Variants in PIEZO2 observed in about 807,000 individuals in gnomAD.
PIEZO2 encodes the protein piezo type mechanosensitive ion channel component 2.
A neutral mutation model predicts 337.3 loss-of-function variants in PIEZO2; 172 were observed. The ratio of observed to expected loss-of-function variants is 0.51; its 90% CI spans 0.45 to 0.58. The LOEUF (loss-of-function observed/expected upper bound fraction) is 0.58. PIEZO2 is among the 20% of genes least tolerant of loss of function. PIEZO2 has a pLI of 0.00. For missense variants in PIEZO2, 3,028 were observed against 3,391.3 expected (o/e 0.89, Z 2.66); for synonymous variants, 1,251 against 1,228.5 (o/e 1.02, Z -0.38).
chr18:11,098,275 G>A (rs77773424), intron 1 of PIEZO2, among the ~76,000 whole-genome samples: 1 of 139,226 alleles, frequency 7.2e-6, no homozygotes, highest in African/African-American at 2.8e-5. Flanking sequence ...ACACACACAC[G>A]AAAAAATAAA....
chr18:10,865,532 C>T (rs2041982814), intron 5 of PIEZO2, among the ~76,000 whole-genome samples: 1 of 152,132 alleles, frequency 6.6e-6, no homozygotes, highest in Non-Finnish European at 1.5e-5. Context: ...AAATCCATGT[C>T]ACATCAGTGT....
intron 1 of PIEZO2, among the ~76,000 whole-genome samples, chr18:11,108,575 C>G (rs1245538840): frequency 7.8e-6 from 1 of 128,692 alleles, no homozygotes; most frequent in Non-Finnish European, 1.5e-5. Flanking sequence ...GATCGCACCA[C>G]TGCACTCCAG....
intron 1 of PIEZO2, among the ~76,000 whole-genome samples, chr18:11,115,977 T>C (rs776825314): frequency 2.0e-5 from 3 of 152,142 alleles, no homozygotes; most frequent in Non-Finnish European, 4.4e-5. Context: ...AATGTAAATA[T>C]CAATAGATAG....
chr18:10,689,096 G>T (rs1279635582), intron 49 of PIEZO2, among the ~76,000 whole-genome samples: 2 of 152,118 alleles, frequency 1.3e-5, no homozygotes, highest in Non-Finnish European at 2.9e-5. Flanking sequence ...CCCAGCTAAT[G>T]TTTTTTGGGT....
At chr18:10,725,330 T>C in intron 36 of PIEZO2, 1 of 1,603,282 alleles carries the variant, frequency 6.2e-7, no homozygotes. Context: ...TCGAAGAGGT[T>C]GTGGTGCAGC....
rs2039515040 is a variant in PIEZO2, at chr18:11,104,815, C to T, written c.65-38593G>A. On this transcript the variant is annotated intron_variant, in intron 1 of 55. Transcript: ENST00000674853. The surrounding 1 kb of genome is among the most constrained non-coding windows in gnomAD (Gnocchi z 4.6). ...GCCTGCTTCTCTTGGGGACCACTCT[C>T]CTCCATCATGCTTGATATGGTCCAG... Among the ~76,000 whole-genome samples, 1 of 152,174 alleles carries T rather than the reference C, an allele frequency of 6.6e-6. No individual in the cohort carries two copies. Among genetic ancestry groups the T allele is most frequent in the Non-Finnish European group, 1.5e-5 (1 of 68,038 alleles).
chr18:10,947,433 G>A (rs1194260448), intron 3 of PIEZO2, among the ~76,000 whole-genome samples: 1 of 152,308 alleles, frequency 6.6e-6, no homozygotes, highest in African/African-American at 2.4e-5. Context: ...TTTCAGGAAT[G>A]AAGGGGAAAT....
chr18:11,100,015 CTTA>C (rs1486469084), intron 1 of PIEZO2, among the ~76,000 whole-genome samples: 6 of 152,052 alleles, frequency 3.9e-5, no homozygotes, highest in Non-Finnish European at 5.9e-5. Context: ...TCATAAAAAA[CTTA>C]TTATTTTATA....
In PIEZO2 at chr18:10,868,058, G is replaced by T. The variant is rs1422698095; in HGVS notation, c.492+3195C>A. ...GGTTTTATGGGGAATCCTTGGATTT[G>T]TGAACACCTTTAAAACACCAAACTT... On this transcript the variant is annotated intron_variant, in intron 5 of 55. Coordinates refer to ENST00000674853, the MANE Select transcript of PIEZO2 (RefSeq NM_001378183.1). 2.6e-5 allele frequency among the ~76,000 whole-genome samples: 4 copies of T among 152,298 alleles called. No homozygotes were observed. The East Asian group carries it at 7.7e-4, about 29-fold the overall frequency.
intron 21 of PIEZO2, 184 bp downstream of exon 21, chr18:10,769,964 C>T: frequency 1.8e-6 from 1 of 565,008 alleles, no homozygotes; most frequent in Non-Finnish European, 2.9e-6. Flanking sequence ...CAGCCACGAG[C>T]CTCTTTCCTT....
rs772018552 is a variant in PIEZO2 at position 11,105,825 on chromosome 18, T to C, written c.65-39603A>G. Among the ~76,000 whole-genome samples the C allele has an allele frequency of 2.6e-5, 4 of 152,178 alleles. No individual in the cohort carries two copies. Among genetic ancestry groups the C allele is most frequent in the Non-Finnish European group, 2.9e-5 (2 of 68,040 alleles). On this transcript the variant is annotated intron_variant, in intron 1 of 55. Transcript: ENST00000674853. This position sits in a 1 kb window ranked among gnomAD's most constrained non-coding sequence, Gnocchi z 4.3. ...GACAACAACCAGCAGCACATTTACA[T>C]TGATCCTCTCCAGGAAAGATCAGTG...
intron 36 of PIEZO2, chr18:10,725,122 C>T: frequency 6.8e-7 from 1 of 1,468,374 alleles, no homozygotes; most frequent in Non-Finnish European, 9.5e-7. Context: ...GTTCGAGTAC[C>T]AGGAGCCCAT....
At chr18:11,113,333 G>A (rs545779109) in intron 1 of PIEZO2, among the ~76,000 whole-genome samples, 26 of 152,276 alleles carry the variant, frequency 1.7e-4, no homozygotes, top group Non-Finnish European at 2.9e-4. Context: ...TAGCCAAACT[G>A]TTTGTTTCCA....
intron 47 of PIEZO2, among the ~76,000 whole-genome samples, chr18:10,695,821 C>T (rs575444832): frequency 5.3e-5 from 8 of 152,136 alleles, no homozygotes; most frequent in Admixed American, 4.6e-4. Flanking sequence ...AGGCTGTCAC[C>T]GTTGTTATTT....
rs1366500978 is a variant in PIEZO2, at chr18:10,870,356, A to T, written c.492+897T>A. Among the ~76,000 whole-genome samples, 1 of 152,210 alleles carries T rather than the reference A, an allele frequency of 6.6e-6. No individual in the cohort carries two copies. The highest frequency in any genetic ancestry group is 1.5e-5 in the Non-Finnish European group (1 of 68,040). Reference sequence around the variant, plus strand: ...TAACATTCTCAATATAAGTAACTTCAATTAACTTCAGTTTTATAAGTGTAA... The same window carrying T: ...TAACATTCTCAATATAAGTAACTTCTATTAACTTCAGTTTTATAAGTGTAA... On this transcript the variant is annotated intron_variant, in intron 5 of 55. Transcript: ENST00000674853. This position sits in a 1 kb window ranked among gnomAD's most constrained non-coding sequence, Gnocchi z 5.3.
In PIEZO2 at chr18:10,724,834, C is replaced by T; in HGVS notation, c.5029+6573G>A. On this transcript the variant is annotated intron_variant, in intron 36 of 55. Coordinates refer to ENST00000674853, the MANE Select transcript of PIEZO2 (RefSeq NM_001378183.1). This position sits in a 1 kb window ranked among gnomAD's most constrained non-coding sequence, Gnocchi z 5.8. Reference sequence around the variant, plus strand: ...GTCGTTCTCACAGATGCACCTGGGCCACGGCGGCCACATGCGTCGCAGTGA... The same window carrying T: ...GTCGTTCTCACAGATGCACCTGGGCTACGGCGGCCACATGCGTCGCAGTGA... 5.6e-6 allele frequency: 9 copies of T among 1,598,582 alleles called. No individual in the cohort carries two copies. In the East Asian group the frequency reaches 6.7e-5, roughly 12 times the overall value.
chr18:11,066,352 G>A (rs1568344291), intron 1 of PIEZO2, 130 bp from the exon 2 acceptor site: 1 of 638,644 alleles, frequency 1.6e-6, no homozygotes, highest in East Asian at 2.7e-5. Context: ...GAATAGATAT[G>A]TCAATTAAAC....
At chr18:10,860,202 G>T (rs192496527) in intron 5 of PIEZO2, among the ~76,000 whole-genome samples, 130 of 152,262 alleles carry the variant, frequency 8.5e-4, no homozygotes, top group African/African-American at 2.8e-3. Flanking sequence ...GCATATGATG[G>T]TTTAAACGTC....
intron 2 of PIEZO2, among the ~76,000 whole-genome samples, chr18:11,010,686 G>A (rs549970642): frequency 3.9e-4 from 60 of 152,230 alleles, no homozygotes; most frequent in Middle Eastern, 6.8e-3. Context: ...AATGGGATAG[G>A]CAAAGATATT....
Sources: allele counts gnomAD v4.1 joint callset (sites outside exome capture counted in the v4.1 genomes callset), GRCh38; gene constraint gnomAD v4.1.1; non-coding constraint Gnocchi (gnomAD v3.1); transcripts MANE v1.5; gene names NCBI Gene and HGNC (gene_info 2026-07-23, HGNC 2026-07-21).